FGF12: variants seen among roughly 807,000 people sequenced by gnomAD.
FGF12 encodes the protein fibroblast growth factor 12.
A neutral mutation model predicts 23.6 loss-of-function variants in FGF12; 14 were observed. The observed-to-expected ratio is 0.59, with a 90% CI of 0.39 to 0.93. FGF12 has a LOEUF of 0.93. Ranked by LOEUF, FGF12 falls within the 40% of genes least tolerant of loss-of-function variation. The probability of loss-of-function intolerance (pLI) is 0.00; values close to 1 mark genes in which losing one functional copy is unlikely to be tolerated. For missense variants in FGF12, 175 were observed against 217.8 expected (o/e 0.80, Z 1.24); for synonymous variants, 62 against 77.3 (o/e 0.80, Z 1.04).
chr3:192,458,901 T>C (rs529246871), intron 2 of FGF12, among the ~76,000 whole-genome samples: 7 of 152,308 alleles, frequency 4.6e-5, no homozygotes, highest in African/African-American at 1.7e-4. Flanking sequence ...GGGAGATAAT[T>C]TGAATCATGG....
At chr3:192,328,658 T>C (rs183476932) in intron 4 of FGF12, among the ~76,000 whole-genome samples, 15 of 152,302 alleles carry the variant, frequency 9.8e-5, no homozygotes, top group African/African-American at 3.6e-4. Flanking sequence ...GTTATCAATC[T>C]AAAGATGATT....
At chr3:192,662,534 T>C (rs774734527) in intron 2 of FGF12, among the ~76,000 whole-genome samples, 2 of 152,196 alleles carry the variant, frequency 1.3e-5, no homozygotes, top group Non-Finnish European at 1.5e-5. Flanking sequence ...CTGATTTCCA[T>C]AGGCTAGGAG....
chr3:192,394,879 G>T (rs1166054141), intron 2 of FGF12, among the ~76,000 whole-genome samples: 1 of 152,190 alleles, frequency 6.6e-6, no homozygotes, highest in Non-Finnish European at 1.5e-5. Context: ...AGAGTTGACA[G>T]AAAGAACCTT....
intron 2 of FGF12, among the ~76,000 whole-genome samples, chr3:192,629,925 T>A (rs1384996312): frequency 6.6e-6 from 1 of 152,104 alleles, no homozygotes; most frequent in African/African-American, 2.4e-5. Flanking sequence ...ATTAGCAACT[T>A]AGTGCCAGCC....
chr3:192,331,580 T>C (rs747721948), intron 4 of FGF12, among the ~76,000 whole-genome samples: 2 of 152,094 alleles, frequency 1.3e-5, no homozygotes, highest in Non-Finnish European at 2.9e-5. Flanking sequence ...CTAAGTGAAA[T>C]AAGCCAGTTA....
At chr3:192,727,409 G>T in intron 1 of FGF12, 75 bp downstream of exon 1, 1 of 1,388,162 alleles carries the variant, frequency 7.2e-7, no homozygotes, top group Non-Finnish European at 9.6e-7. Context: ...CTCTACAGGG[G>T]ATACGTTGCG....
intron 2 of FGF12, among the ~76,000 whole-genome samples, chr3:192,577,873 A>G (rs1712975965): frequency 1.7e-5 from 1 of 58,382 alleles, no homozygotes; most frequent in African/African-American, 9.0e-5. Context: ...ACTAATGTGA[A>G]GTGTTAGATA....
chr3:192,580,591 T>A (rs886447310), intron 2 of FGF12, among the ~76,000 whole-genome samples: 12 of 152,266 alleles, frequency 7.9e-5, no homozygotes, highest in Non-Finnish European at 1.6e-4. Flanking sequence ...TAAAGAGATT[T>A]TTTTGTTGTT....
At chr3:192,560,360 A>G (rs1711968967) in intron 2 of FGF12, among the ~76,000 whole-genome samples, 1 of 152,028 alleles carries the variant, frequency 6.6e-6, no homozygotes, top group Non-Finnish European at 1.5e-5. Context: ...AATAATAAAG[A>G]GCAAAAATCA....
At chr3:192,467,968 C>T (rs1455257638) in intron 2 of FGF12, among the ~76,000 whole-genome samples, 1 of 152,138 alleles carries the variant, frequency 6.6e-6, no homozygotes, top group African/African-American at 2.4e-5. Context: ...CTAAAGTTCC[C>T]CTCCTCGGCA....
intron 2 of FGF12, among the ~76,000 whole-genome samples, chr3:192,639,689 G>A (rs13061936): frequency 0.023 from 3,521 of 152,288 alleles, 47 homozygotes; most frequent in Middle Eastern, 0.065. Context: ...AACATGTACA[G>A]GCTTTTTTCT....
intron 2 of FGF12, among the ~76,000 whole-genome samples, chr3:192,602,737 C>T (rs1239630368): frequency 2.1e-5 from 3 of 141,152 alleles, no homozygotes; most frequent in Non-Finnish European, 4.7e-5. Flanking sequence ...AAAAAAAAAA[C>T]ACAGAAAAAT....
chr3:192,363,126 T>A (rs923839485), intron 2 of FGF12, among the ~76,000 whole-genome samples: 1 of 151,252 alleles, frequency 6.6e-6, no homozygotes, highest in Non-Finnish European at 1.5e-5. Context: ...CATTAGGAGA[T>A]ATATCTAATG....
intron 4 of FGF12, among the ~76,000 whole-genome samples, chr3:192,250,092 G>C (rs1394637209): frequency 6.6e-6 from 1 of 152,148 alleles, no homozygotes; most frequent in East Asian, 1.9e-4. Context: ...AGTACTCGAA[G>C]TGTGCACTCA....
intron 2 of FGF12, among the ~76,000 whole-genome samples, chr3:192,637,435 C>A (rs75342280): frequency 0.097 from 14,723 of 152,202 alleles, 903 homozygotes; most frequent in Non-Finnish European, 0.14. Flanking sequence ...ATGGCATTGA[C>A]ATTGCATTCA....
chr3:192,547,707 T>A (rs1725531512), intron 2 of FGF12, among the ~76,000 whole-genome samples: 2 of 152,334 alleles, frequency 1.3e-5, no homozygotes, highest in South Asian at 4.1e-4. Flanking sequence ...TTCTTAAAAA[T>A]ACCTGCTCTA....
chr3:192,299,297 C>A (rs1363598581), intron 4 of FGF12, among the ~76,000 whole-genome samples: 1 of 152,164 alleles, frequency 6.6e-6, no homozygotes, highest in African/African-American at 2.4e-5. Context: ...TCACTTTTGA[C>A]TACACTCTGT....
intron 4 of FGF12, among the ~76,000 whole-genome samples, chr3:192,192,668 A>G (rs78542924): frequency 0.017 from 2,616 of 151,934 alleles, 68 homozygotes; most frequent in African/African-American, 0.058. Flanking sequence ...TTTCAAACTT[A>G]AAAGGGAGAA....
At chr3:192,547,074 C>T (rs1443779289) in intron 2 of FGF12, among the ~76,000 whole-genome samples, 1 of 152,102 alleles carries the variant, frequency 6.6e-6, no homozygotes, top group Non-Finnish European at 1.5e-5. Context: ...TGGGGCAAGA[C>T]AAACCAGATT....
Sources: gnomAD v4.1 joint callset for allele counts (sites outside exome capture counted in the v4.1 genomes callset) on GRCh38, gnomAD v4.1.1 for gene constraint, MANE v1.5 for transcripts, NCBI Gene and HGNC (gene_info 2026-07-23, HGNC 2026-07-21) for gene names.